AJM1: variants seen among roughly 807,000 people sequenced by gnomAD.
The protein encoded by AJM1 is apical junction component 1 homolog, also known as uncharacterized protein C9orf172.
In AJM1, 22 loss-of-function variants were observed where a neutral mutation model predicts 43.0. The ratio of observed to expected loss-of-function variants is 0.51; its 90% CI spans 0.37 to 0.73. The LOEUF is 0.73. Among genes scored for constraint, AJM1 ranks in the 30% least tolerant of loss-of-function variants. AJM1 has a pLI of 0.00. For missense variants in AJM1, 1,305 were observed against 1,343.3 expected, an observed-to-expected ratio of 0.97 and a Z score of 0.45; for synonymous variants, 719 against 638.3, an observed-to-expected ratio of 1.13 and a Z score of -1.91.
chr9:136,847,240 G>A lies in AJM1; in HGVS notation c.2826G>A (p.Thr942=). ...TCACGCCCACCACCATCTACCCCAC[G>A]GACCGGCGCACCGGCCGCCCCTTCA... ...RRFTPTTIYP[T]DRRTGRPFMC... Residue 942 remains threonine (T), a synonymous_variant, in exon 3 of 3, where the codon ACG becomes ACA. Coordinates refer to ENST00000436881, the MANE Select transcript of AJM1 (RefSeq NM_001080482.5). 6.2e-7 allele frequency: 1 copy of A among 1,604,074 alleles called. No individual in the cohort carries two copies. The highest frequency in any genetic ancestry group is 8.5e-7 in the Non-Finnish European group (1 of 1,178,256).
chr9:136,847,977 GCGGTGGGCAGGGCGGA>G lies in AJM1; in HGVS notation c.*638_*653del, dbSNP rs1187137438. On this transcript the variant is annotated 3_prime_UTR_variant, in exon 3 of 3. Coordinates refer to ENST00000436881, the MANE Select transcript of AJM1 (RefSeq NM_001080482.5). The stretch of plus-strand genomic sequence containing the variant: ...GTGTGCGCGAGCGCGTCCCGCCGAG[GCGGTGGGCAGGGCGGA>G]CGGTGCGCAGTGCGTTCCCGCTGGT... 3 of 152,304 alleles carry G rather than the reference GCGGTGGGCAGGGCGGA, an allele frequency of 2.0e-5. No homozygotes were observed. The highest frequency in any genetic ancestry group is 4.4e-5 in the Non-Finnish European group (3 of 68,070). 9.4% of individuals were successfully genotyped at this position (152,304 alleles called of 1,614,324 possible). A position where few individuals can be genotyped will look rare whatever the true frequency, so the allele number is the denominator to read the frequency against.
At chr9:136,844,078 G>A (rs1848735201) in intron 1 of AJM1, among the ~76,000 whole-genome samples, 118 bp from the exon 2 acceptor site, 1 of 152,182 alleles carries the variant, frequency 6.6e-6, no homozygotes, top group Non-Finnish European at 1.5e-5. Flanking sequence ...TCACGCGGGA[G>A]CTCCCGCCGC....
rs1421053852 is a variant in AJM1, at chr9:136,846,976, C to T, written c.2562C>T (p.Ala854=). 8.0e-7 allele frequency: 1 copy of T among 1,254,878 alleles called. No homozygotes were observed. Among genetic ancestry groups the T allele is most frequent in the South Asian group, 1.7e-5 (1 of 59,760 alleles). The allele number at this position is 1,254,878 out of a possible 1,614,324, so 77.7% of individuals were successfully genotyped here. ...AGTTCGCCAAGGTAGCGCTGGCGGC[C>T]GGCAGCCCCGCGCGGCCGCCCCCGG... The part of the protein sequence containing the change: ...VRKFAKVALA[A]GSPARPPPAR... The change falls in exon 3 of 3, where the codon GCC becomes GCT. Residue 854 remains alanine (A), a synonymous_variant. Coordinates refer to ENST00000436881, the MANE Select transcript of AJM1 (RefSeq NM_001080482.5).
At chr9:136,843,118 G>C (rs1848725687) in intron 1 of AJM1, among the ~76,000 whole-genome samples, 1 of 152,076 alleles carries the variant, frequency 6.6e-6, no homozygotes, top group Non-Finnish European at 1.5e-5. Flanking sequence ...GGACACAGAG[G>C]GGGGACCCGG....
rs1360290749 is a variant in AJM1, at chr9:136,846,613, C to T, written c.2199C>T (p.His733=). Residue 733 remains histidine, a synonymous_variant, in exon 3 of 3, where the codon CAC becomes CAT. Transcript: ENST00000436881. ...LQFCRDSGPV[H]RAFSRIARVG... ...TTTGCCGCGACAGCGGCCCGGTGCA[C>T]CGCGCTTTCTCGCGCATCGCGCGTG... is the stretch of plus-strand genomic sequence containing the variant. The T allele has an allele frequency of 1.4e-5, 23 of 1,593,820 alleles. No homozygotes were observed. Among genetic ancestry groups the T allele is most frequent in the Non-Finnish European group, 1.9e-5 (22 of 1,176,110 alleles).
chr9:136,846,263 C>A lies in AJM1; in HGVS notation c.1849C>A (p.Arg617=). ...GPQLRRLLDS[R]PAGSGAPALA... Reference sequence around the variant, plus strand: ...CCAACTGCGCCGACTGCTGGACTCGCGGCCCGCGGGCTCCGGGGCCCCCGC... The same window carrying A: ...CCAACTGCGCCGACTGCTGGACTCGAGGCCCGCGGGCTCCGGGGCCCCCGC... The change falls in exon 3 of 3, where the codon CGG becomes AGG. Residue 617 remains arginine, a synonymous_variant. Transcript: ENST00000436881. 1 of 1,320,684 alleles carries A rather than the reference C, an allele frequency of 7.6e-7. No individual in the cohort carries two copies. Among genetic ancestry groups the A allele is most frequent in the South Asian group, 1.9e-5 (1 of 53,420 alleles). 81.8% of individuals were successfully genotyped at this position (1,320,684 alleles called of 1,614,324 possible).
rs1172884941 is a variant in AJM1, at chr9:136,844,663, C to T, written c.249C>T (p.Arg83=). 2.1e-6 allele frequency: 3 copies of T among 1,459,362 alleles called. No homozygotes were observed. The highest frequency in any genetic ancestry group is 2.7e-5 in the East Asian group (1 of 36,382). 90.4% of individuals were successfully genotyped at this position (1,459,362 alleles called of 1,614,324 possible). A position where few individuals can be genotyped will look rare whatever the true frequency, so the allele number is the denominator to read the frequency against. ...CCGCTGTGCCGCGCGCCCGGACCCGCGAAGCCGAGCCACGCCGCCGCGCCC... is the reference window on the plus strand; with the variant it reads ...CCGCTGTGCCGCGCGCCCGGACCCGTGAAGCCGAGCCACGCCGCCGCGCCC... ...PESAVPRART[R]EAEPRRRARS... The change falls in exon 3 of 3, where the codon CGC becomes CGT. Residue 83 remains arginine (R), a synonymous_variant. Coordinates refer to ENST00000436881, the MANE Select transcript of AJM1 (RefSeq NM_001080482.5).
chr9:136,844,389 C>A lies in AJM1; in HGVS notation c.-26C>A. ...CCCCGCAAGGCAGTGTGAGCTGGAGCCGCCAGCCTGGGGACCTCTTTTAAG... is the reference window on the plus strand; with the variant it reads ...CCCCGCAAGGCAGTGTGAGCTGGAGACGCCAGCCTGGGGACCTCTTTTAAG... On this transcript the variant is annotated 5_prime_UTR_variant, in exon 3 of 3. Coordinates refer to ENST00000436881, the MANE Select transcript of AJM1 (RefSeq NM_001080482.5). The A allele has an allele frequency of 6.3e-7, 1 of 1,588,146 alleles. No individual in the cohort carries two copies. The highest frequency in any genetic ancestry group is 8.6e-7 in the Non-Finnish European group (1 of 1,160,818).
At position 136,844,414 on chromosome 9, in the gene AJM1, G is replaced by A. The variant is rs1423468190; in HGVS notation, c.-1G>A. On this transcript the variant is annotated 5_prime_UTR_variant, in exon 3 of 3. Coordinates refer to ENST00000436881, the MANE Select transcript of AJM1 (RefSeq NM_001080482.5). ...CCGCCAGCCTGGGGACCTCTTTTAA[G>A]ATGACCCGTACGGACCCTCCGGACC... 1 of 1,610,776 alleles carries A rather than the reference G, an allele frequency of 6.2e-7. No individual in the cohort carries two copies. The highest frequency in any genetic ancestry group is 8.5e-7 in the Non-Finnish European group (1 of 1,178,606).
In AJM1 at chr9:136,844,767, G is replaced by A; in HGVS notation, c.353G>A (p.Arg118Gln). 1.1e-5 allele frequency: 4 copies of A among 373,216 alleles called. No homozygotes were observed. Among genetic ancestry groups the A allele is most frequent in the South Asian group, 1.0e-4 (1 of 10,006 alleles). 23.1% of individuals were successfully genotyped at this position (373,216 alleles called of 1,614,324 possible). The change falls in exon 3 of 3, where the codon CGG becomes CAG. Residue 118 changes from arginine (R) to glutamine (Q), a missense_variant. Arg to Gln is a conservative substitution (Grantham distance 43). Coordinates refer to ENST00000436881, the MANE Select transcript of AJM1 (RefSeq NM_001080482.5). ...ASPPVLPRRG[R>Q]EAQRAARAEA... ...CCGCCGGTGTTGCCCCGCCGAGGGC[G>A]GGAGGCCCAGCGTGCGGCGCGGGCC...
rs1346175859 is a variant in AJM1, at chr9:136,846,966, C to T, written c.2552C>T (p.Ala851Val). ...GPTVRKFAKVALAAGSPARPP... is the reference protein window; with the variant it reads ...GPTVRKFAKVVLAAGSPARPP... ...ACAGTGCGCAAGTTCGCCAAGGTAG[C>T]GCTGGCGGCCGGCAGCCCCGCGCGG... is the stretch of plus-strand genomic sequence containing the variant. The change falls in exon 3 of 3, where the codon GCG (alanine) becomes GTG (valine). Residue 851 changes from alanine to valine, a missense_variant. Ala to Val is a moderately conservative substitution (Grantham distance 64). This residue lies in a region of AJM1 where 391 missense variants were observed against 507.5 expected (regional missense o/e 0.77). Transcript: ENST00000436881. The T allele has an allele frequency of 1.5e-6, 2 of 1,297,234 alleles. No homozygotes were observed. The highest frequency in any genetic ancestry group is 3.2e-5 in the South Asian group (2 of 62,946). 80.4% of individuals were successfully genotyped at this position (1,297,234 alleles called of 1,614,324 possible).
rs767698977 is a variant in AJM1, at chr9:136,845,735, G to A, written c.1321G>A (p.Asp441Asn). The A allele has an allele frequency of 9.0e-6, 14 of 1,558,672 alleles. 1 individual carries two copies. In the Admixed American group the frequency reaches 2.0e-4, roughly 23 times the overall value. The change falls in exon 3 of 3, where the codon GAC becomes AAC. Residue 441 changes from aspartate to asparagine, a missense_variant. Transcript: ENST00000436881. ...TGTSPPRLAT[D>N]SRHYSRSWDN... is the part of the protein sequence containing the mutation. ...CACCAGTCCGCCCCGGCTGGCCACC[G>A]ACAGCCGCCACTACTCGCGCTCCTG...
rs1280953576 is a variant in AJM1, at chr9:136,844,260, C to T, written c.-79C>T. ...CGGCCCAGGCCCGCAGCCAGGGCTG[C>T]TCCGCCCGCTGCGCCCCAGGTAAGC... On this transcript the variant is annotated 5_prime_UTR_variant, in exon 2 of 3. Coordinates refer to ENST00000436881, the MANE Select transcript of AJM1 (RefSeq NM_001080482.5). 6.6e-6 allele frequency among the ~76,000 whole-genome samples: 1 copy of T among 152,220 alleles called. No homozygotes were observed. The highest frequency in any genetic ancestry group is 2.4e-5 in the African/African-American group (1 of 41,458).
chr9:136,845,498 C>A lies in AJM1; in HGVS notation c.1084C>A (p.Pro362Thr). Residue 362 changes from proline to threonine, a missense_variant, in exon 3 of 3, where the codon CCC (proline) becomes ACC (threonine). By Grantham distance (38) the Pro-to-Thr change is conservative (BLOSUM62 -1). Coordinates refer to ENST00000436881, the MANE Select transcript of AJM1 (RefSeq NM_001080482.5). The stretch of plus-strand genomic sequence containing the variant: ...CCTGCCCTACGGGCCCCGCTATGTC[C>A]CCGAGGAGCCCCGGGCCCACTCCAC... ...YGLPYGPRYV[P>T]EEPRAHSTAR... The A allele has an allele frequency of 6.2e-7, 1 of 1,602,260 alleles. No homozygotes were observed. Among genetic ancestry groups the A allele is most frequent in the Non-Finnish European group, 8.5e-7 (1 of 1,175,378 alleles).
intron 1 of AJM1, among the ~76,000 whole-genome samples, 95 bp from the exon 2 acceptor site, chr9:136,844,101 C>G (rs911751283): frequency 2.0e-5 from 3 of 152,188 alleles, no homozygotes. Flanking sequence ...GAACCACAAC[C>G]ACGGCTAAGC....
chr9:136,846,890 CCACCGGGGA>C lies in AJM1; in HGVS notation c.2483_2491del (p.Gly828_Pro830del), dbSNP rs1288719860. The stretch of plus-strand genomic sequence containing the variant: ...CGTGGCCGTGGGACCCGGCACCGCG[CCACCGGGGA>C]CACCGGCCCTGCCCGCGCCCGCGCC... On this transcript the variant is annotated inframe_deletion, in exon 3 of 3. Coordinates refer to ENST00000436881, the MANE Select transcript of AJM1 (RefSeq NM_001080482.5). 7.9e-6 allele frequency: 12 copies of C among 1,525,206 alleles called. No individual in the cohort carries two copies. The highest frequency in any genetic ancestry group is 4.0e-5 in the Admixed American group (2 of 50,080). The allele number at this position is 1,525,206 out of a possible 1,614,324, so 94.5% of individuals were successfully genotyped here. A position where few individuals can be genotyped will look rare whatever the true frequency, so the allele number is the denominator to read the frequency against.
rs767752923 is a variant in AJM1, at chr9:136,844,516, A to G, written c.102A>G (p.Arg34=). 133 of 1,608,670 alleles carry G rather than the reference A, an allele frequency of 8.3e-5. No individual in the cohort carries two copies. The highest frequency in any genetic ancestry group is 1.0e-4 in the Non-Finnish European group (122 of 1,178,624). ...GPASKCSPCE[R]SVARPAEPAP... is the part of the protein sequence containing the mutation. ...CGTCCAAGTGCTCGCCATGTGAGCG[A>G]TCCGTGGCCCGGCCTGCTGAGCCCG... Residue 34 remains arginine, a synonymous_variant, in exon 3 of 3, where the codon CGA becomes CGG. Coordinates refer to ENST00000436881, the MANE Select transcript of AJM1 (RefSeq NM_001080482.5).
At chr9:136,842,841 A>T (rs1367117166) in intron 1 of AJM1, among the ~76,000 whole-genome samples, 1 of 151,962 alleles carries the variant, frequency 6.6e-6, no homozygotes. Context: ...TCCCCACGGG[A>T]GGGGGTGTCA....
Position 136,846,565 on chromosome 9 carries a change from C to T in AJM1, c.2151C>T (p.Ser717=), listed in dbSNP as rs745403925. 15 of 1,592,850 alleles carry T rather than the reference C, an allele frequency of 9.4e-6. No individual in the cohort carries two copies. Among genetic ancestry groups the T allele is most frequent in the African/African-American group, 6.7e-5 (5 of 74,620 alleles). Residue 717 remains serine, a synonymous_variant, in exon 3 of 3, where the codon AGC becomes AGT. Transcript: ENST00000436881. ...KARCVYGRVG[S]VCRHVLQFCR... is the part of the protein sequence containing the mutation. ...GCTGCGTGTACGGCCGCGTGGGCAG[C>T]GTGTGCCGCCACGTACTGCAGTTTT...
Sources: allele counts gnomAD v4.1 joint callset (sites outside exome capture counted in the v4.1 genomes callset), GRCh38; gene constraint gnomAD v4.1.1; regional missense constraint gnomAD v4.1.1; transcripts MANE v1.5; gene names NCBI Gene and HGNC (gene_info 2026-07-23, HGNC 2026-07-21).